Variants in RBFOX1 observed in about 807,000 individuals in gnomAD.
The protein encoded by RBFOX1 is RNA binding fox-1 homolog 1, also known as RNA binding protein fox-1 homolog 1.
In RBFOX1, 8 loss-of-function variants were observed where a neutral mutation model predicts 57.7. That is an observed-to-expected ratio of 0.14 (90% CI 0.08 to 0.25). The LOEUF (loss-of-function observed/expected upper bound fraction) is 0.25. RBFOX1 is among the 10% of genes least tolerant of loss of function. The pLI is 1.00. For missense variants in RBFOX1, 611 were observed against 548.5 expected, an observed-to-expected ratio of 1.11 and a Z score of -1.14; for synonymous variants, 326 against 222.4, an observed-to-expected ratio of 1.47 and a Z score of -4.15.
chr16:6,077,952 A>T (rs2095934715), intron 1 of RBFOX1, among the ~76,000 whole-genome samples: 1 of 152,140 alleles, frequency 6.6e-6, no homozygotes, highest in Non-Finnish European at 1.5e-5. Flanking sequence ...TGCCCCCAGG[A>T]AATGAGTGAA....
intron 3 of RBFOX1, among the ~76,000 whole-genome samples, chr16:5,605,527 G>C (rs1365641492): frequency 6.6e-6 from 1 of 152,146 alleles, no homozygotes; most frequent in Non-Finnish European, 1.5e-5. Flanking sequence ...CTTTGGTATA[G>C]GAGGGCAGAG....
chr16:7,266,039 A>G lies in RBFOX1; in HGVS notation c.27+213941A>G, dbSNP rs192368498. ...GCCCAGGCTGGAGTGCAGTGGCGCTATCTTGGCTCACTGCAAGCTCCGCCT... is the reference window on the plus strand; with the variant it reads ...GCCCAGGCTGGAGTGCAGTGGCGCTGTCTTGGCTCACTGCAAGCTCCGCCT... On this transcript the variant is annotated intron_variant, in intron 4 of 15. Coordinates refer to ENST00000550418, the MANE Select transcript of RBFOX1 (RefSeq NM_018723.4). Among the ~76,000 whole-genome samples the G allele has an allele frequency of 4.2e-3, 541 of 127,690 alleles. 4 individuals are homozygous for G. Among genetic ancestry groups the G allele is most frequent in the African/African-American group, 0.015 (492 of 32,238 alleles). The allele number at this position is 127,690 out of a possible 152,430, so 83.8% of individuals were successfully genotyped here. A position where few individuals can be genotyped will look rare whatever the true frequency, so the allele number is the denominator to read the frequency against.
At chr16:6,384,414 C>A (rs2092094733) in intron 2 of RBFOX1, among the ~76,000 whole-genome samples, 1 of 152,190 alleles carries the variant, frequency 6.6e-6, no homozygotes, top group Non-Finnish European at 1.5e-5. Context: ...TAGGGTGGCA[C>A]CCAGCAATGG....
intron 1 of RBFOX1, among the ~76,000 whole-genome samples, chr16:6,029,001 A>G (rs1321240224): frequency 6.6e-6 from 1 of 152,222 alleles, no homozygotes; most frequent in Non-Finnish European, 1.5e-5. Flanking sequence ...GTCTATTAAA[A>G]GGCAAATGAT....
chr16:5,342,889 G>C (rs1357380605), intron 1 of RBFOX1, among the ~76,000 whole-genome samples: 1 of 151,738 alleles, frequency 6.6e-6, no homozygotes, highest in Non-Finnish European at 1.5e-5. Flanking sequence ...CAGTTTGTGG[G>C]GTATAGGGAG....
chr16:5,565,842 T>C (rs1414845501), intron 2 of RBFOX1, among the ~76,000 whole-genome samples: 1 of 151,924 alleles, frequency 6.6e-6, no homozygotes, highest in Non-Finnish European at 1.5e-5. Context: ...AGGTGGGTGA[T>C]ATGGTTTGGC....
At chr16:5,930,450 T>A (rs1305687423) in intron 4 of RBFOX1, among the ~76,000 whole-genome samples, 6 of 18,046 alleles carry the variant, frequency 3.3e-4, no homozygotes, top group Admixed American at 7.2e-4. Flanking sequence ...GGAAGCATGG[T>A]TGGGTGGGTG....
At chr16:5,330,048 A>G (rs969516935) in intron 1 of RBFOX1, among the ~76,000 whole-genome samples, 4 of 151,822 alleles carry the variant, frequency 2.6e-5, no homozygotes, top group Non-Finnish European at 2.9e-5. Context: ...GTGTCCTCAC[A>G]TGGTACAAGG....
chr16:6,252,188 C>T (rs2097620341), intron 1 of RBFOX1, among the ~76,000 whole-genome samples: 4 of 152,038 alleles, frequency 2.6e-5, no homozygotes, highest in Admixed American at 2.6e-4. Context: ...CTGCACCCAT[C>T]CCGCAACTTG....
intron 3 of RBFOX1, among the ~76,000 whole-genome samples, chr16:5,820,869 GTCT>G (rs2055824896): frequency 6.6e-6 from 1 of 152,130 alleles, no homozygotes; most frequent in African/African-American, 2.4e-5. Context: ...ATTTCGGGAA[GTCT>G]TCTCTCCTCT....
intron 3 of RBFOX1, among the ~76,000 whole-genome samples, chr16:5,860,876 T>A (rs1281805533): frequency 2.0e-5 from 3 of 152,164 alleles, no homozygotes; most frequent in Non-Finnish European, 4.4e-5. Flanking sequence ...TGATGGTCGT[T>A]CTTCTGGGCT....
chr16:6,895,049 G>C (rs974761546), intron 3 of RBFOX1, among the ~76,000 whole-genome samples: 3 of 152,108 alleles, frequency 2.0e-5, no homozygotes, highest in African/African-American at 4.8e-5. Flanking sequence ...TCAAATGCTG[G>C]CTGTAGATAA....
chr16:7,707,206 G>A (rs543588306), intron 14 of RBFOX1, among the ~76,000 whole-genome samples: 1 of 152,148 alleles, frequency 6.6e-6, no homozygotes, highest in Non-Finnish European at 1.5e-5. Context: ...CTTGAGAGTT[G>A]GAAGATGCCC....
At chr16:5,922,257 G>T (rs560376082) in intron 4 of RBFOX1, among the ~76,000 whole-genome samples, 2 of 152,276 alleles carry the variant, frequency 1.3e-5, no homozygotes, top group South Asian at 4.1e-4. Flanking sequence ...ATTCATGAGG[G>T]ATCCATCCCC....
chr16:5,294,114 A>G (rs2063602889), intron 1 of RBFOX1, among the ~76,000 whole-genome samples: 1 of 152,176 alleles, frequency 6.6e-6, no homozygotes, highest in African/African-American at 2.4e-5. Context: ...CTGTAATCCC[A>G]GCTACTCGGG....
chr16:7,213,005 G>A (rs1291077843), intron 4 of RBFOX1, among the ~76,000 whole-genome samples: 2 of 152,104 alleles, frequency 1.3e-5, no homozygotes, highest in African/African-American at 2.4e-5. Context: ...ATCTTGTAAG[G>A]CAAATATGAT....
At chr16:5,405,879 A>G (rs1402360948) in intron 1 of RBFOX1, among the ~76,000 whole-genome samples, 1 of 152,056 alleles carries the variant, frequency 6.6e-6, no homozygotes, top group Non-Finnish European at 1.5e-5. Context: ...GTGAGGGCAG[A>G]GTGATCCAAG....
chr16:6,193,392 C>CATTATATA (rs1555545384), intron 1 of RBFOX1, among the ~76,000 whole-genome samples: 3 of 43,222 alleles, frequency 6.9e-5, no homozygotes, highest in Non-Finnish European at 1.4e-4. Context: ...TATATATATA[C>CATTATATA]TATATATATA....
At chr16:6,732,493 G>A (rs1206191252) in intron 3 of RBFOX1, among the ~76,000 whole-genome samples, 2 of 152,140 alleles carry the variant, frequency 1.3e-5, no homozygotes, top group African/African-American at 2.4e-5. Context: ...CTCTTCCAGG[G>A]GGATGGGCTT....
Sources: allele counts gnomAD v4.1 joint callset (sites outside exome capture counted in the v4.1 genomes callset), GRCh38; gene constraint gnomAD v4.1.1; transcripts MANE v1.5; gene names NCBI Gene and HGNC (gene_info 2026-07-23, HGNC 2026-07-21).